ERCC2: variants seen among roughly 807,000 people sequenced by gnomAD.
ERCC2 encodes general transcription and DNA repair factor IIH helicase subunit XPD.
A neutral mutation model predicts 99.4 loss-of-function variants in ERCC2; 90 were observed. That is an observed-to-expected ratio of 0.91 (90% CI 0.76 to 1.08). The LOEUF (loss-of-function observed/expected upper bound fraction) is 1.08, where lower values mean the gene tolerates loss of function less well. ERCC2 is among the 50% of genes least tolerant of loss of function. ERCC2 has a pLI of 0.00. For missense variants in ERCC2, 993 were observed against 1,038.1 expected (o/e 0.96, Z 0.60); for synonymous variants, 497 against 432.4 (o/e 1.15, Z -1.85).
rs758507393 is a variant in ERCC2 at position 45,351,043 on chromosome 19, TAGAGGAGGCCATGTGGGTAGGTGCAG to T, written c.*560_*585del. The T allele has an allele frequency of 2.5e-6, 4 of 1,613,678 alleles. No homozygotes were observed. The African/African-American group carries it at 4.0e-5, about 16-fold the overall frequency. The stretch of plus-strand genomic sequence containing the variant: ...GTGAGGGGGACATCTGGGTCAAAAA[TAGAGGAGGCCATGTGGGTAGGTGCAG>T]AGATGAGGCAAAGGCAGGGCGGTCG... On this transcript the variant is annotated 3_prime_UTR_variant, in exon 23 of 23. Transcript: ENST00000391945.
chr19:45,368,571 G>T, intron 5 of ERCC2, 59 bp downstream of exon 5: 3 of 1,139,210 alleles, frequency 2.6e-6, no homozygotes, highest in Non-Finnish European at 2.7e-6. Context: ...ACTTGTGGTT[G>T]GACGAAAGAG....
In ERCC2 at chr19:45,364,303, G is replaced by C. The variant is rs1442497422; in HGVS notation, c.747C>G (p.Val249=). The C allele has an allele frequency of 6.2e-7, 1 of 1,614,054 alleles. No homozygotes were observed. The highest frequency in any genetic ancestry group is 8.5e-7 in the Non-Finnish European group (1 of 1,180,008). The stretch of plus-strand genomic sequence containing the variant: ...GGTCAAGGGTCCGGCGGGTGAGGTT[G>C]ACGCTCATGGAGTCGATGCAGACGT... ...IDNVCIDSMS[V]NLTRRTLDRC... is the part of the protein sequence containing the mutation. The change falls in exon 9 of 23, where the codon GTC becomes GTG. Residue 249 remains valine, a synonymous_variant. Transcript: ENST00000391945.
chr19:45,363,629 GCTCA>G lies in ERCC2; in HGVS notation c.1118+110_1118+113del, dbSNP rs888753135. 8.1e-6 allele frequency: 10 copies of G among 1,240,664 alleles called. No individual in the cohort carries two copies. In the African/African-American group the frequency reaches 1.5e-4, roughly 19 times the overall value. The allele number at this position is 1,240,664 out of a possible 1,614,324, so 76.9% of individuals were successfully genotyped here. A position where few individuals can be genotyped will look rare whatever the true frequency, so the allele number is the denominator to read the frequency against. On this transcript the variant is annotated intron_variant, in intron 11 of 22. Transcript: ENST00000391945. ...GACAAGGTCCCACGTGCCTCGCCCA[GCTCA>G]CTCACTCCTGATGCTGCAGTGGTGA...
chr19:45,356,551 T>C (rs1014171359), intron 15 of ERCC2, among the ~76,000 whole-genome samples: 2 of 152,206 alleles, frequency 1.3e-5, no homozygotes, highest in Admixed American at 6.5e-5. Context: ...GGCTTACACC[T>C]GTAATCCCAG....
Position 45,351,621 on chromosome 19 carries a change from C to G in ERCC2, c.*8G>C, listed in dbSNP as rs369743753. 8 of 1,613,734 alleles carry G rather than the reference C, an allele frequency of 5.0e-6. No individual in the cohort carries two copies. The highest frequency in any genetic ancestry group is 6.8e-6 in the Non-Finnish European group (8 of 1,179,846). On this transcript the variant is annotated 3_prime_UTR_variant, in exon 23 of 23. Coordinates refer to ENST00000391945, the MANE Select transcript of ERCC2 (RefSeq NM_000400.4). ...ACCAGGAACCGTTTATGGCCCCACC[C>G]GCCCCACTCAGAGCTGCTGAGCAAT...
chr19:45,369,995 A>T, intron 2 of ERCC2, 138 bp downstream of exon 2: 1 of 742,606 alleles, frequency 1.3e-6, no homozygotes. Flanking sequence ...TTATTGTTTT[A>T]GATAACGGAA....
intron 15 of ERCC2, 32 bp from the exon 16 acceptor site, chr19:45,355,760 G>A (rs1378404013): frequency 3.1e-6 from 5 of 1,602,320 alleles, no homozygotes; most frequent in Admixed American, 1.7e-5. Flanking sequence ...GATAAGCGAG[G>A]CAGCAGCAAC....
rs966937324 is a variant in ERCC2, at chr19:45,351,515, A to C, written c.*114T>G. 3.2e-5 allele frequency: 51 copies of C among 1,600,078 alleles called. No homozygotes were observed. Among genetic ancestry groups the C allele is most frequent in the African/African-American group, 4.0e-5 (3 of 74,850 alleles). ...TGCGATTAAAGGCTGTGGACGTGAC[A>C]GTGAGAAATGTCACCTGACTTCATA... On this transcript the variant is annotated 3_prime_UTR_variant, in exon 23 of 23. Coordinates refer to ENST00000391945, the MANE Select transcript of ERCC2 (RefSeq NM_000400.4).
chr19:45,367,943 G>C (rs1277364415), intron 5 of ERCC2, among the ~76,000 whole-genome samples: 2 of 150,238 alleles, frequency 1.3e-5, no homozygotes, highest in Non-Finnish European at 3.0e-5. Flanking sequence ...TGTCACCCAG[G>C]CTGGAATGCA....
chr19:45,369,320 G>C (rs1972529940), intron 2 of ERCC2, among the ~76,000 whole-genome samples, 173 bp from the exon 3 acceptor site: 1 of 152,130 alleles, frequency 6.6e-6, no homozygotes, highest in Non-Finnish European at 1.5e-5. Flanking sequence ...TCCTTGTTGA[G>C]TGGTCTTAGG....
Position 45,351,010 on chromosome 19 carries a change from G to A in ERCC2, c.*619C>T, listed in dbSNP as rs1971735429. On this transcript the variant is annotated 3_prime_UTR_variant, in exon 23 of 23. Coordinates refer to ENST00000391945, the MANE Select transcript of ERCC2 (RefSeq NM_000400.4). Reference sequence around the variant, plus strand: ...AACGTGGATGCTCCAAGGGCTCCTGGGACTCAGGTGAGGGGGACATCTGGG... The same window carrying A: ...AACGTGGATGCTCCAAGGGCTCCTGAGACTCAGGTGAGGGGGACATCTGGG... 1 of 1,614,106 alleles carries A rather than the reference G, an allele frequency of 6.2e-7. No homozygotes were observed. The highest frequency in any genetic ancestry group is 1.7e-5 in the Admixed American group (1 of 60,014).
rs1419767435 is a variant in ERCC2 at position 45,351,472 on chromosome 19, T to G, written c.*157A>C. 3.8e-6 allele frequency: 6 copies of G among 1,584,618 alleles called. No individual in the cohort carries two copies. Among genetic ancestry groups the G allele is most frequent in the Non-Finnish European group, 5.1e-6 (6 of 1,169,562 alleles). On this transcript the variant is annotated 3_prime_UTR_variant, in exon 23 of 23. Transcript: ENST00000391945. ...CCCCCCCTTGCCTCTGGGTACCTGG[T>G]GGATAGCTGCCTTCTCCTGCGATTA... is the stretch of plus-strand genomic sequence containing the variant.
chr19:45,370,458 C>T, intron 1 of ERCC2, 78 bp downstream of exon 1: 2 of 1,522,132 alleles, frequency 1.3e-6, no homozygotes, highest in Non-Finnish European at 1.8e-6. Flanking sequence ...CTTGGGGACC[C>T]AGGCGCGCCC....
In ERCC2 at chr19:45,353,336, T is replaced by A. The variant is rs199658345; in HGVS notation, c.1666-2A>T. On this transcript the variant is annotated splice_acceptor_variant, in intron 17 of 22. Coordinates refer to ENST00000391945, the MANE Select transcript of ERCC2 (RefSeq NM_000400.4). LOFTEE classifies it high-confidence loss of function. ...CCTCTGGATGTTCTCAAGGATCCCCTGGGGAAGGACCCAGGGAGGTCAGGG... is the reference window on the plus strand; with the variant it reads ...CCTCTGGATGTTCTCAAGGATCCCCAGGGGAAGGACCCAGGGAGGTCAGGG... 6 of 1,612,672 alleles carry A rather than the reference T, an allele frequency of 3.7e-6. No individual in the cohort carries two copies. Among genetic ancestry groups the A allele is most frequent in the African/African-American group, 1.3e-5 (1 of 74,844 alleles).
In ERCC2 at chr19:45,357,465, G is replaced by A. The variant is rs1403427757; in HGVS notation, c.1377+9C>T. On this transcript the variant is annotated intron_variant, in intron 14 of 22. Coordinates refer to ENST00000391945, the MANE Select transcript of ERCC2 (RefSeq NM_000400.4). The stretch of plus-strand genomic sequence containing the variant: ...CAGGGACTAGGAGGGGACGGGGAAG[G>A]GTCCTTACCCCAGATGTGATGATGA... The A allele has an allele frequency of 5.0e-6, 8 of 1,613,952 alleles. No individual in the cohort carries two copies. Among genetic ancestry groups the A allele is most frequent in the Non-Finnish European group, 6.8e-6 (8 of 1,179,822 alleles).
Position 45,368,969 on chromosome 19 carries a change from T to G in ERCC2, c.207A>C (p.Lys69Asn). Reference protein sequence around the residue: ...YQRAYPLEVTKLIYCSRTVPE... With the variant: ...YQRAYPLEVTNLIYCSRTVPE... The stretch of plus-strand genomic sequence containing the variant: ...GCACAGTTCTTGAGCAGTAGATGAG[T>G]TTGGTCACCTCCAGCGGATATGCCT... Residue 69 changes from lysine (K) to asparagine (N), a missense_variant, in exon 4 of 23, where the codon AAA becomes AAC. Lys to Asn is a moderately conservative substitution (Grantham distance 94, BLOSUM62 0). This residue lies in a region of ERCC2 where 29 missense variants were observed against 62.1 expected (regional missense o/e 0.47). Transcript: ENST00000391945. The G allele has an allele frequency of 6.2e-7, 1 of 1,614,116 alleles. No individual in the cohort carries two copies. Among genetic ancestry groups the G allele is most frequent in the Non-Finnish European group, 8.5e-7 (1 of 1,180,010 alleles).
Position 45,368,265 on chromosome 19 carries a change from T to C in ERCC2, c.360+365A>G, listed in dbSNP as rs139729085. 4.0e-3 allele frequency among the ~76,000 whole-genome samples: 606 copies of C among 152,220 alleles called. 1 individual carries two copies. Among genetic ancestry groups the C allele is most frequent in the African/African-American group, 0.014 (575 of 41,530 alleles). On this transcript the variant is annotated intron_variant, in intron 5 of 22. Transcript: ENST00000391945. ...CACCCAATTTTATCATCAGCAACCTTATGAAGCAGGTACATAATTATCCCC... is the reference window on the plus strand; with the variant it reads ...CACCCAATTTTATCATCAGCAACCTCATGAAGCAGGTACATAATTATCCCC...
chr19:45,353,357 C>G, intron 17 of ERCC2, 23 bp from the exon 18 acceptor site: 1 of 1,587,580 alleles, frequency 6.3e-7, no homozygotes, highest in Non-Finnish European at 8.6e-7. Context: ...CCAGGGAGGT[C>G]AGGGTGGGTT....
Position 45,351,803 on chromosome 19 carries a change from C to G in ERCC2, c.2191-82G>C, listed in dbSNP as rs55807028. Reference sequence around the variant, plus strand: ...CTGCTGCACTTCCCCAACCACCCCCCCGAATGGCCAGTAGGGACAGGATGT... The same window carrying G: ...CTGCTGCACTTCCCCAACCACCCCCGCGAATGGCCAGTAGGGACAGGATGT... On this transcript the variant is annotated intron_variant, in intron 22 of 22. Coordinates refer to ENST00000391945, the MANE Select transcript of ERCC2 (RefSeq NM_000400.4). 2,564 of 1,208,806 alleles carry G rather than the reference C, an allele frequency of 2.1e-3. 44 individuals carry two copies. In the African/African-American group the frequency reaches 0.034, roughly 16 times the overall value. The allele number at this position is 1,208,806 out of a possible 1,614,324, so 74.9% of individuals were successfully genotyped here.
Sources: allele counts gnomAD v4.1 joint callset (sites outside exome capture counted in the v4.1 genomes callset), GRCh38; gene constraint gnomAD v4.1.1; regional missense constraint gnomAD v4.1.1; transcripts MANE v1.5; gene names NCBI Gene and HGNC (gene_info 2026-07-23, HGNC 2026-07-21).